Variants in SDC2 observed in about 807,000 individuals in gnomAD.
SDC2 encodes syndecan 2.
SDC2 carries 13 observed loss-of-function variants against 22.2 expected under a neutral mutation model. The ratio of observed to expected loss-of-function variants is 0.59; its 90% confidence interval spans 0.38 to 0.93. The LOEUF is 0.93. Among genes scored for constraint, SDC2 ranks in the 40% least tolerant of loss-of-function variants. SDC2 has a pLI of 0.00. For synonymous variants in SDC2, 94 were observed against 92.8 expected (o/e 1.01, Z -0.07); for missense variants, 235 against 246.8 (o/e 0.95, Z 0.32).
intron 1 of SDC2, among the ~76,000 whole-genome samples, chr8:96,554,700 C>G (rs974263662): frequency 6.6e-6 from 1 of 152,192 alleles, no homozygotes; most frequent in African/African-American, 2.4e-5. Flanking sequence ...TCCAGGTTAT[C>G]TGATTTGGGA....
At position 96,602,640 on chromosome 8, in the gene SDC2, A is replaced by G. The variant is rs759079956; in HGVS notation, c.306+112A>G. The G allele has an allele frequency of 4.3e-6, 5 of 1,166,032 alleles. No individual in the cohort carries two copies. The Middle Eastern group carries it at 8.2e-4, about 192-fold the overall frequency. The allele number at this position is 1,166,032 out of a possible 1,614,324, so 72.2% of individuals were successfully genotyped here. A position where few individuals can be genotyped will look rare whatever the true frequency, so the allele number is the denominator to read the frequency against. On this transcript the variant is annotated intron_variant, in intron 3 of 4. Transcript: ENST00000302190. Reference sequence around the variant, plus strand: ...TATTTTCTTCTTTTTGGAGCTACCCATCATGAACTATGTACACAACAGTTC... The same window carrying G: ...TATTTTCTTCTTTTTGGAGCTACCCGTCATGAACTATGTACACAACAGTTC...
chr8:96,503,154 G>A (rs1813191133), intron 1 of SDC2, among the ~76,000 whole-genome samples: 7 of 152,142 alleles, frequency 4.6e-5, no homozygotes, highest in Admixed American at 2.6e-4. Context: ...GGACAAATCC[G>A]TGTTAAGATG....
At chr8:96,543,973 GTATGT>G (rs1813892114) in intron 1 of SDC2, among the ~76,000 whole-genome samples, 2 of 152,154 alleles carry the variant, frequency 1.3e-5, no homozygotes, top group South Asian at 2.1e-4. Flanking sequence ...ATTGTATTCT[GTATGT>G]TAGTGACTTA....
intron 1 of SDC2, among the ~76,000 whole-genome samples, chr8:96,541,897 C>A (rs574438973): frequency 6.6e-6 from 1 of 152,252 alleles, no homozygotes; most frequent in African/African-American, 2.4e-5. Flanking sequence ...TATTGAGCAC[C>A]TGTTCTTTGG....
At chr8:96,532,772 C>G (rs533538824) in intron 1 of SDC2, among the ~76,000 whole-genome samples, 2 of 152,138 alleles carry the variant, frequency 1.3e-5, no homozygotes, top group South Asian at 4.1e-4. Flanking sequence ...TATGCATTCA[C>G]CTTCTCTGAT....
intron 1 of SDC2, 91 bp downstream of exon 1, chr8:96,494,422 G>GAACC: frequency 7.9e-7 from 1 of 1,272,568 alleles, no homozygotes; most frequent in Non-Finnish European, 1.1e-6. Context: ...GCCACCTGGG[G>GAACC]AACCCCCAGT....
chr8:96,522,557 G>A (rs1813513181), intron 1 of SDC2, among the ~76,000 whole-genome samples: 1 of 152,096 alleles, frequency 6.6e-6, no homozygotes, highest in African/African-American at 2.4e-5. Flanking sequence ...TCACCCTATC[G>A]AGAAACACTT....
chr8:96,563,164 A>G (rs187182161), intron 1 of SDC2, among the ~76,000 whole-genome samples: 269 of 152,282 alleles, frequency 1.8e-3, no homozygotes, highest in Non-Finnish European at 3.2e-3. Flanking sequence ...GAAACCTTAT[A>G]AATCTCTCCC....
chr8:96,585,560 A>T (rs537241278), intron 1 of SDC2, among the ~76,000 whole-genome samples: 1 of 152,022 alleles, frequency 6.6e-6, no homozygotes, highest in African/African-American at 2.4e-5. Context: ...ATCCTGTTTT[A>T]TGTGTTGTGA....
chr8:96,609,044 C>T (rs9283934), intron 4 of SDC2, among the ~76,000 whole-genome samples: 1 of 151,668 alleles, frequency 6.6e-6, no homozygotes, highest in African/African-American at 2.4e-5. Context: ...ACTATGTTCT[C>T]TGTTGAAAAA....
At chr8:96,524,167 C>A (rs908256472) in intron 1 of SDC2, among the ~76,000 whole-genome samples, 1 of 152,214 alleles carries the variant, frequency 6.6e-6, no homozygotes, top group African/African-American at 2.4e-5. Flanking sequence ...CAGGTGCCTG[C>A]ACGGTGCTGA....
intron 1 of SDC2, among the ~76,000 whole-genome samples, chr8:96,517,445 A>T (rs1813418505): frequency 6.6e-6 from 1 of 152,118 alleles, no homozygotes; most frequent in South Asian, 2.1e-4. Context: ...TTTTCTTCCA[A>T]GAGTTTTATG....
chr8:96,574,326 A>C (rs1021411864), intron 1 of SDC2, among the ~76,000 whole-genome samples: 1 of 152,134 alleles, frequency 6.6e-6, no homozygotes, highest in African/African-American at 2.4e-5. Flanking sequence ...GGGGAAGAGA[A>C]AGAAGTGAGA....
At chr8:96,568,168 C>G (rs775805125) in intron 1 of SDC2, among the ~76,000 whole-genome samples, 16 of 152,226 alleles carry the variant, frequency 1.1e-4, no homozygotes, top group Non-Finnish European at 2.2e-4. Context: ...CACCCTCTTT[C>G]TCCAGCAAAG....
intron 3 of SDC2, among the ~76,000 whole-genome samples, chr8:96,606,201 G>T (rs1445883711): frequency 6.6e-6 from 1 of 152,186 alleles, no homozygotes; most frequent in South Asian, 2.1e-4. Context: ...ATAGCTCACC[G>T]CAGCCTCCAA....
chr8:96,604,497 A>G lies in SDC2; in HGVS notation c.306+1969A>G, dbSNP rs547875067. 6.6e-5 allele frequency among the ~76,000 whole-genome samples: 10 copies of G among 152,336 alleles called. No homozygotes were observed. The South Asian group carries it at 8.3e-4, about 13-fold the overall frequency. ...AGCACTGATAATGATAATATTGATC[A>G]TGAATAACATGAATAATAATGATTA... On this transcript the variant is annotated intron_variant, in intron 3 of 4. Coordinates refer to ENST00000302190, the MANE Select transcript of SDC2 (RefSeq NM_002998.4).
At chr8:96,502,378 A>C (rs1813179594) in intron 1 of SDC2, among the ~76,000 whole-genome samples, 1 of 152,232 alleles carries the variant, frequency 6.6e-6, no homozygotes, top group Non-Finnish European at 1.5e-5. Context: ...ACACACAGCC[A>C]AACCATATCA....
At position 96,609,465 on chromosome 8, in the gene SDC2, G is replaced by A. The variant is rs1815139555; in HGVS notation, c.523G>A (p.Asp175Asn). Residue 175 changes from aspartate (D) to asparagine (N), a missense_variant, in exon 5 of 5, where the codon GAT (aspartate) becomes AAT (asparagine). Transcript: ENST00000302190. ...GTTGGTGTATCGCATGAGAAAGAAG[G>A]ATGAAGGAAGCTATGACCTTGGAGA... ...LLLVYRMRKK[D>N]EGSYDLGERK... is the part of the protein sequence containing the mutation. 6.2e-7 allele frequency: 1 copy of A among 1,613,584 alleles called. No individual in the cohort carries two copies. The highest frequency in any genetic ancestry group is 1.3e-5 in the African/African-American group (1 of 74,888).
At chr8:96,582,972 T>G (rs1309318466) in intron 1 of SDC2, among the ~76,000 whole-genome samples, 1 of 152,128 alleles carries the variant, frequency 6.6e-6, no homozygotes, top group East Asian at 1.9e-4. Context: ...TCCATTTTAT[T>G]AGACCTTTTG....
Sources: allele counts gnomAD v4.1 joint callset (sites outside exome capture counted in the v4.1 genomes callset), GRCh38; gene constraint gnomAD v4.1.1; transcripts MANE v1.5; gene names NCBI Gene and HGNC (gene_info 2026-07-23, HGNC 2026-07-21).